NELL1: variants seen among roughly 807,000 people sequenced by gnomAD.
NELL1 encodes protein kinase C-binding protein NELL1.
Under a neutral mutation model 107.4 loss-of-function variants are expected in NELL1, and 76 were observed. The observed-to-expected ratio is 0.71, with a 90% confidence interval of 0.59 to 0.86. NELL1 has a LOEUF of 0.86. Ranked by LOEUF, NELL1 falls within the 40% of genes least tolerant of loss-of-function variation. NELL1 has a pLI of 0.00. For synonymous variants in NELL1, 353 were observed against 341.2 expected, an observed-to-expected ratio of 1.03 and a Z score of -0.38; for missense variants, 1,024 against 1,005.5, an observed-to-expected ratio of 1.02 and a Z score of -0.25.
intron 15 of NELL1, among the ~76,000 whole-genome samples, chr11:21,432,554 T>C (rs967274906): frequency 6.6e-6 from 1 of 152,150 alleles, no homozygotes; most frequent in Non-Finnish European, 1.5e-5. Context: ...AAAAGGGATA[T>C]TGTACATTTT....
chr11:21,007,764 AATG>A (rs1475684166), intron 12 of NELL1, among the ~76,000 whole-genome samples: 3 of 152,028 alleles, frequency 2.0e-5, no homozygotes, highest in African/African-American at 4.8e-5. Context: ...CTCAAAGAAC[AATG>A]ATAATCGGAT....
At chr11:20,831,292 A>G (rs966915705) in intron 3 of NELL1, among the ~76,000 whole-genome samples, 7 of 152,208 alleles carry the variant, frequency 4.6e-5, no homozygotes, top group Admixed American at 4.6e-4. Flanking sequence ...TAGAAATGCC[A>G]TATCTCAGAC....
chr11:21,226,369 T>G (rs925512559), intron 13 of NELL1, among the ~76,000 whole-genome samples: 1 of 152,198 alleles, frequency 6.6e-6, no homozygotes, highest in African/African-American at 2.4e-5. Flanking sequence ...CACATCCAAA[T>G]TAACTTGCAA....
intron 13 of NELL1, among the ~76,000 whole-genome samples, chr11:21,182,311 G>T (rs1292507943): frequency 6.6e-6 from 1 of 151,668 alleles, no homozygotes; most frequent in African/African-American, 2.4e-5. Flanking sequence ...TCAGGTGTCT[G>T]TAATCTCAGC....
rs768513501 is a variant in NELL1 at position 21,113,623 on chromosome 11, T to A, written c.1335T>A (p.Cys445Ter). 13 of 1,612,176 alleles carry A rather than the reference T, an allele frequency of 8.1e-6. No homozygotes were observed. Among genetic ancestry groups the A allele is most frequent in the Non-Finnish European group, 1.1e-5 (13 of 1,178,668 alleles). ...IDECAAKMHYCHANTVCVNLP... is the reference protein window; with the variant it reads ...IDECAAKMHY ...AGTGTGCAGCTAAGATGCATTACTG[T>A]CATGCCAATACTGTGTGTGTCAACC... The change falls in exon 13 of 20, where the codon TGT (cysteine) becomes TGA (stop). Residue 445 changes from cysteine (C) to a stop codon, truncating the protein, a stop_gained. Coordinates refer to ENST00000357134, the MANE Select transcript of NELL1 (RefSeq NM_006157.5). LOFTEE classifies it high-confidence loss of function.
At chr11:20,775,782 G>A (rs1856738915) in intron 2 of NELL1, among the ~76,000 whole-genome samples, 1 of 152,166 alleles carries the variant, frequency 6.6e-6, no homozygotes, top group Non-Finnish European at 1.5e-5. Flanking sequence ...GCAAAATTAT[G>A]GGGGTACCAG....
chr11:20,848,363 G>A (rs1848738504), intron 4 of NELL1, among the ~76,000 whole-genome samples: 1 of 152,132 alleles, frequency 6.6e-6, no homozygotes, highest in African/African-American at 2.4e-5. Context: ...GGGGTGGGAT[G>A]GAAATGTTGT....
intron 2 of NELL1, among the ~76,000 whole-genome samples, chr11:20,701,258 A>G (rs1156595603): frequency 8.5e-5 from 13 of 152,160 alleles, no homozygotes. Context: ...TCTGATGCTC[A>G]GTCATGATGA....
At chr11:20,673,154 G>A (rs1011758893) in intron 1 of NELL1, among the ~76,000 whole-genome samples, 3 of 151,972 alleles carry the variant, frequency 2.0e-5, no homozygotes, top group East Asian at 1.9e-4. Flanking sequence ...GAGCCACTGC[G>A]CCTGGCCAAG....
chr11:21,447,132 G>A (rs901935010), intron 15 of NELL1, among the ~76,000 whole-genome samples: 1 of 150,558 alleles, frequency 6.6e-6, no homozygotes, highest in Non-Finnish European at 1.5e-5. Flanking sequence ...GTCAGCTTAT[G>A]GTGAATACTG....
intron 15 of NELL1, among the ~76,000 whole-genome samples, chr11:21,409,676 C>T (rs535844622): frequency 2.0e-5 from 3 of 152,048 alleles, no homozygotes; most frequent in African/African-American, 4.8e-5. Context: ...CCTGTTTTAA[C>T]GTGAGTATAG....
rs1857130343 is a variant in NELL1 at position 20,794,346 on chromosome 11, C to T, written c.335+10516C>T. Reference sequence around the variant, plus strand: ...CAGACTGCCTCAAATAGGGGTTTCTCCAGGTAATAATCTCAAGCACATAGT... The same window carrying T: ...CAGACTGCCTCAAATAGGGGTTTCTTCAGGTAATAATCTCAAGCACATAGT... On this transcript the variant is annotated intron_variant, in intron 3 of 19. Coordinates refer to ENST00000357134, the MANE Select transcript of NELL1 (RefSeq NM_006157.5). Among the ~76,000 whole-genome samples, 5 of 152,258 alleles carry T rather than the reference C, an allele frequency of 3.3e-5. No individual in the cohort carries two copies. The South Asian group carries it at 1.0e-3, about 32-fold the overall frequency.
intron 9 of NELL1, among the ~76,000 whole-genome samples, chr11:20,937,066 A>G (rs1234915408): frequency 6.6e-6 from 1 of 152,216 alleles, no homozygotes; most frequent in Non-Finnish European, 1.5e-5. Context: ...GATCATATCA[A>G]ATTGACATAT....
At chr11:21,109,169 G>T (rs1220447302) in intron 12 of NELL1, among the ~76,000 whole-genome samples, 3 of 152,052 alleles carry the variant, frequency 2.0e-5, no homozygotes, top group Non-Finnish European at 4.4e-5. Flanking sequence ...GGAAGGATGA[G>T]ATGCTCCATA....
chr11:21,263,360 C>A (rs1031706193), intron 14 of NELL1, among the ~76,000 whole-genome samples: 1 of 151,908 alleles, frequency 6.6e-6, no homozygotes, highest in Admixed American at 6.6e-5. Context: ...TGTGGGGTAA[C>A]GGCGAGCCAT....
Position 21,364,304 on chromosome 11 carries a change from G to A in NELL1, c.1550-6549G>A, listed in dbSNP as rs375372337. On this transcript the variant is annotated intron_variant, in intron 14 of 19. Coordinates refer to ENST00000357134, the MANE Select transcript of NELL1 (RefSeq NM_006157.5). ...CGGGTGCCTATAATCCTAGCTACTC[G>A]GGAGGCCGAGGCAGTAGAATGGCAT... Among the ~76,000 whole-genome samples, 61 of 151,140 alleles carry A rather than the reference G, an allele frequency of 4.0e-4. No homozygotes were observed. The South Asian group carries it at 0.011, about 28-fold the overall frequency.
intron 12 of NELL1, among the ~76,000 whole-genome samples, chr11:21,016,459 C>T (rs1177365384): frequency 2.6e-5 from 4 of 152,122 alleles, no homozygotes; most frequent in Non-Finnish European, 5.9e-5. Flanking sequence ...CACCACCTTT[C>T]TAGTCTCTTT....
intron 7 of NELL1, among the ~76,000 whole-genome samples, chr11:20,920,911 T>C (rs909905330): frequency 6.6e-6 from 1 of 152,144 alleles, no homozygotes; most frequent in Non-Finnish European, 1.5e-5. Flanking sequence ...CTTCTAAACC[T>C]CCCTTTGGCA....
intron 12 of NELL1, among the ~76,000 whole-genome samples, chr11:20,962,150 C>T (rs1013951254): frequency 6.6e-6 from 1 of 151,836 alleles, no homozygotes; most frequent in Non-Finnish European, 1.5e-5. Context: ...TGCTTATGAA[C>T]CTTTTCATCT....
Sources: gnomAD v4.1 joint callset for allele counts (sites outside exome capture counted in the v4.1 genomes callset) on GRCh38, gnomAD v4.1.1 for gene constraint, MANE v1.5 for transcripts, NCBI Gene and HGNC (gene_info 2026-07-23, HGNC 2026-07-21) for gene names.